The following NT5C3B variants were observed in gnomAD, a reference collection of about 807,000 sequenced individuals.
NT5C3B encodes 7-methylguanosine phosphate-specific 5'-nucleotidase.
NT5C3B carries 28 observed loss-of-function variants against 32.5 expected under a neutral mutation model. The ratio of observed to expected loss-of-function variants is 0.86; its 90% CI spans 0.64 to 1.18. The LOEUF is 1.18. Among genes scored for constraint, NT5C3B ranks in the 50% most tolerant of loss-of-function variants. NT5C3B has a pLI of 0.00. For synonymous variants in NT5C3B, 138 were observed against 118.0 expected, an observed-to-expected ratio of 1.17 and a Z score of -1.10; for missense variants, 317 against 322.0, an observed-to-expected ratio of 0.98 and a Z score of 0.12.
intron 7 of NT5C3B, among the ~76,000 whole-genome samples, chr17:41,828,165 C>A (rs7214873): frequency 0.046 from 7,056 of 152,116 alleles, 560 homozygotes; most frequent in African/African-American, 0.16. Context: ...TTGGAGCAGC[C>A]CACCTCTGGC....
intron 7 of NT5C3B, 90 bp downstream of exon 7, chr17:41,828,700 T>G: frequency 8.1e-7 from 1 of 1,227,160 alleles, no homozygotes; most frequent in Non-Finnish European, 1.2e-6. Context: ...CTCCCCTTCT[T>G]CCCCAGGTTA....
At chr17:41,826,092 G>A (rs1294630733) in intron 8 of NT5C3B, among the ~76,000 whole-genome samples, 1 of 151,208 alleles carries the variant, frequency 6.6e-6, no homozygotes, top group Non-Finnish European at 1.5e-5. Context: ...GGAAATTAAG[G>A]CTACAGTGAG....
intron 6 of NT5C3B, among the ~76,000 whole-genome samples, chr17:41,830,364 C>A (rs1446859643): frequency 6.6e-6 from 1 of 152,128 alleles, no homozygotes; most frequent in Non-Finnish European, 1.5e-5. Context: ...AAAAATTAGC[C>A]GGGTGTGGTG....
chr17:41,836,205 C>T lies in NT5C3B; in HGVS notation c.-12G>A. 1.6e-6 allele frequency: 2 copies of T among 1,244,820 alleles called. No individual in the cohort carries two copies. Among genetic ancestry groups the T allele is most frequent in the Non-Finnish European group, 2.0e-6 (2 of 996,656 alleles). The allele number at this position is 1,244,820 out of a possible 1,614,324, so 77.1% of individuals were successfully genotyped here. ...ACCTCCTCTGCCATCCCGTTCGAGG[C>T]CTGGTCGGCGGCTCGCGGGACAACG... On this transcript the variant is annotated 5_prime_UTR_variant, in exon 1 of 9. Coordinates refer to ENST00000435506, the MANE Select transcript of NT5C3B (RefSeq NM_052935.5).
rs1388207971 is a variant in NT5C3B, at chr17:41,826,137, CAG to C, written c.769-482_769-481del. Among the ~76,000 whole-genome samples, 3 of 147,780 alleles carry C rather than the reference CAG, an allele frequency of 2.0e-5. No homozygotes were observed. The East Asian group carries it at 5.8e-4, about 29-fold the overall frequency. ...AGCCATGACACTCCAGCCTAGGTGA[CAG>C]AGTGAGGCCCTGTCTCAAAAAAAAA... On this transcript the variant is annotated intron_variant, in intron 8 of 8. Coordinates refer to ENST00000435506, the MANE Select transcript of NT5C3B (RefSeq NM_052935.5).
intron 4 of NT5C3B, among the ~76,000 whole-genome samples, chr17:41,834,393 T>TACACACACACACACACACACACACACAC (rs56965181): frequency 7.2e-6 from 1 of 139,716 alleles, no homozygotes; most frequent in Non-Finnish European, 1.5e-5. Flanking sequence ...AAAAAAAAAA[T>TACACACACACACACACACACACACACAC]ACACACACAC....
rs532823946 is a variant in NT5C3B at position 41,825,394 on chromosome 17, A to T, written c.*129T>A. 1 of 666,308 alleles carries T rather than the reference A, an allele frequency of 1.5e-6. No homozygotes were observed. Among genetic ancestry groups the T allele is most frequent in the East Asian group, 2.7e-5 (1 of 36,542 alleles). 41.3% of individuals were successfully genotyped at this position (666,308 alleles called of 1,614,324 possible). A position where few individuals can be genotyped will look rare whatever the true frequency, so the allele number is the denominator to read the frequency against. ...GATGAAGGTGCTCAGGGAAAGGAGG[A>T]CGGAGGGGCGCGGAAGGACCCAGCC... is the stretch of plus-strand genomic sequence containing the variant. On this transcript the variant is annotated 3_prime_UTR_variant, in exon 9 of 9. Transcript: ENST00000435506.
At chr17:41,826,999 CA>C (rs34220910) in intron 8 of NT5C3B, among the ~76,000 whole-genome samples, 95,017 of 118,626 alleles carry the variant, frequency 0.8, 37,232 homozygotes, top group South Asian at 0.89. Context: ...GACTCTATCT[CA>C]AAAAAAAAAA....
intron 5 of NT5C3B, among the ~76,000 whole-genome samples, chr17:41,832,142 C>T (rs1351552520): frequency 1.3e-5 from 2 of 152,206 alleles, no homozygotes; most frequent in African/African-American, 2.4e-5. Context: ...CCACAAAGCA[C>T]TTATCCCCCA....
At chr17:41,835,324 G>A (rs368098362) in intron 2 of NT5C3B, 52 bp from the exon 3 acceptor site, 16 of 1,482,586 alleles carry the variant, frequency 1.1e-5, no homozygotes, top group Admixed American at 1.7e-5. Flanking sequence ...ATTCTAGTGT[G>A]GCCCTGCCTC....
chr17:41,832,629 A>G, intron 4 of NT5C3B, 152 bp from the exon 5 acceptor site: 1 of 512,664 alleles, frequency 2.0e-6, no homozygotes, highest in Non-Finnish European at 3.6e-6. Flanking sequence ...GTGCTTTAGG[A>G]GGCTGAGGCA....
At position 41,828,692 on chromosome 17, in the gene NT5C3B, C is replaced by T. The variant is rs781808482; in HGVS notation, c.567+98G>A. 179 of 1,150,808 alleles carry T rather than the reference C, an allele frequency of 1.6e-4. No individual in the cohort carries two copies. In the African/African-American group the frequency reaches 2.5e-3, roughly 16 times the overall value. 71.3% of individuals were successfully genotyped at this position (1,150,808 alleles called of 1,614,324 possible). A position where few individuals can be genotyped will look rare whatever the true frequency, so the allele number is the denominator to read the frequency against. On this transcript the variant is annotated intron_variant, in intron 7 of 8. Coordinates refer to ENST00000435506, the MANE Select transcript of NT5C3B (RefSeq NM_052935.5). ...GTGAAGAAGCTAGAGTGGCTTCCCT[C>T]CCCTTCTTCCCCAGGTTAGGGTTCA... is the stretch of plus-strand genomic sequence containing the variant.
rs1019439515 is a variant in NT5C3B at position 41,825,272 on chromosome 17, T to C, written c.*251A>G. On this transcript the variant is annotated 3_prime_UTR_variant, in exon 9 of 9. Coordinates refer to ENST00000435506, the MANE Select transcript of NT5C3B (RefSeq NM_052935.5). Reference sequence around the variant, plus strand: ...AAAATTTTGAAGAAAATCCCTGGAGTAGACAATCCCTAGAGCACTGACATG... The same window carrying C: ...AAAATTTTGAAGAAAATCCCTGGAGCAGACAATCCCTAGAGCACTGACATG... 16 of 432,256 alleles carry C rather than the reference T, an allele frequency of 3.7e-5. No homozygotes were observed. The highest frequency in any genetic ancestry group is 6.6e-5 in the Non-Finnish European group (16 of 243,334). 26.8% of individuals were successfully genotyped at this position (432,256 alleles called of 1,614,324 possible).
In NT5C3B at chr17:41,825,604, C is replaced by A; in HGVS notation, c.822G>T (p.Lys274Asn). The A allele has an allele frequency of 1.1e-6, 1 of 872,872 alleles. No homozygotes were observed. Among genetic ancestry groups the A allele is most frequent in the Non-Finnish European group, 2.0e-6 (1 of 501,692 alleles). 54.1% of individuals were successfully genotyped at this position (872,872 alleles called of 1,614,324 possible). The change falls in exon 9 of 9, where the codon AAG becomes AAT. Residue 274 changes from lysine (K) to asparagine (N), a missense_variant. Lys to Asn is a moderately conservative substitution (Grantham distance 94). Transcript: ENST00000435506. ...CGTTGACCACATCCAGAGTCTCGTC[C>A]TTCTCCAGCACGATGTCATAGGAGT... ...YMDSYDIVLE[K>N]DETLDVVNGL...
intron 6 of NT5C3B, among the ~76,000 whole-genome samples, chr17:41,830,373 T>A (rs2048030968): frequency 6.6e-6 from 1 of 152,158 alleles, no homozygotes; most frequent in South Asian, 2.1e-4. Context: ...CCGGGTGTGG[T>A]GGCGGGCACC....
chr17:41,827,300 A>G (rs1212123342), intron 8 of NT5C3B, 126 bp downstream of exon 8: 6 of 427,958 alleles, frequency 1.4e-5, no homozygotes, highest in Non-Finnish European at 2.4e-5. Context: ...CCCCGTCTCA[A>G]AAAAAAATAA....
rs2048154708 is a variant in NT5C3B at position 41,836,162 on chromosome 17, G to A, written c.12+20C>T. On this transcript the variant is annotated intron_variant, in intron 1 of 8. Transcript: ENST00000435506. ...CGGAGTCCGGGCCCGCCCCACTCCG[G>A]ACGCTTCCTCCCTCCTCACCTCCTC... The A allele has an allele frequency of 1.5e-6, 2 of 1,300,670 alleles. No homozygotes were observed. The highest frequency in any genetic ancestry group is 6.2e-5 in the East Asian group (2 of 32,334). The allele number at this position is 1,300,670 out of a possible 1,614,324, so 80.6% of individuals were successfully genotyped here. A position where few individuals can be genotyped will look rare whatever the true frequency, so the allele number is the denominator to read the frequency against.
chr17:41,833,393 T>C (rs1432225817), intron 4 of NT5C3B, among the ~76,000 whole-genome samples: 1 of 152,086 alleles, frequency 6.6e-6, no homozygotes, highest in African/African-American at 2.4e-5. Flanking sequence ...CTCGGCTCAC[T>C]GCAACCTCCG....
intron 6 of NT5C3B, 69 bp from the exon 7 acceptor site, chr17:41,829,021 TGTTTTTTGG>T: frequency 6.8e-6 from 10 of 1,471,984 alleles, no homozygotes; most frequent in Middle Eastern, 1.8e-4. Context: ...CTATTTGGGT[TGTTTTTTGG>T]GTTTTTTGTG....
Sources: allele counts gnomAD v4.1 joint callset (sites outside exome capture counted in the v4.1 genomes callset), GRCh38; gene constraint gnomAD v4.1.1; transcripts MANE v1.5; gene names NCBI Gene and HGNC (gene_info 2026-07-23, HGNC 2026-07-21).